The following RAB6B variants were observed in gnomAD, a reference collection of about 807,000 sequenced individuals.
RAB6B encodes the protein RAB6B, member RAS oncogene family.
In RAB6B, 7 loss-of-function variants were observed where a neutral mutation model predicts 31.2. The observed-to-expected ratio is 0.22, with a 90% CI of 0.13 to 0.42. The LOEUF (loss-of-function observed/expected upper bound fraction) is 0.42. Among genes scored for constraint, RAB6B ranks in the 10% least tolerant of loss-of-function variants. The pLI, the probability that RAB6B is intolerant of heterozygous loss-of-function variation, is 1.00. For synonymous variants in RAB6B, 105 were observed against 104.9 expected (o/e 1.00, Z -0.01); for missense variants, 149 against 280.6 (o/e 0.53, Z 3.35).
rs969399067 is a variant in RAB6B at position 133,883,051 on chromosome 3, T to C, written c.70+12346A>G. 3.9e-5 allele frequency among the ~76,000 whole-genome samples: 6 copies of C among 152,174 alleles called. No homozygotes were observed. The East Asian group carries it at 9.6e-4, about 24-fold the overall frequency. On this transcript the variant is annotated intron_variant, in intron 1 of 7. Coordinates refer to ENST00000285208, the MANE Select transcript of RAB6B (RefSeq NM_016577.4). Reference sequence around the variant, plus strand: ...TGGTTTCTCCCCCAAAAGAAACCCTTTGGAGGTTTGCTCTGTTCACAGAAG... The same window carrying C: ...TGGTTTCTCCCCCAAAAGAAACCCTCTGGAGGTTTGCTCTGTTCACAGAAG...
At chr3:133,835,158 C>T (rs1264970764) in intron 6 of RAB6B, among the ~76,000 whole-genome samples, 1 of 152,110 alleles carries the variant, frequency 6.6e-6, no homozygotes, top group African/African-American at 2.4e-5. Flanking sequence ...TCTCTGAGAG[C>T]GCGAGGGATG....
In RAB6B at chr3:133,826,321, G is replaced by C. The variant is rs1195944514; in HGVS notation, c.*2467C>G. On this transcript the variant is annotated 3_prime_UTR_variant, in exon 8 of 8. Transcript: ENST00000285208. ...TTTACTGCTCCTCTAGGCCAGGATGGAAACACAGTCCACGGTGCCTTGGAT... is the reference window on the plus strand; with the variant it reads ...TTTACTGCTCCTCTAGGCCAGGATGCAAACACAGTCCACGGTGCCTTGGAT... 3 of 152,260 alleles carry C rather than the reference G, an allele frequency of 2.0e-5. No homozygotes were observed. Among genetic ancestry groups the C allele is most frequent in the Non-Finnish European group, 4.4e-5 (3 of 68,070 alleles). 9.4% of individuals were successfully genotyped at this position (152,260 alleles called of 1,614,324 possible).
intron 1 of RAB6B, among the ~76,000 whole-genome samples, chr3:133,883,306 A>T (rs1408567136): frequency 6.6e-6 from 1 of 152,072 alleles, no homozygotes; most frequent in Non-Finnish European, 1.5e-5. Context: ...CTCTCTTCTC[A>T]TTTCCCCTGC....
intron 1 of RAB6B, among the ~76,000 whole-genome samples, chr3:133,883,536 G>A (rs139290923): frequency 6.6e-6 from 1 of 152,294 alleles, no homozygotes; most frequent in African/African-American, 2.4e-5. Flanking sequence ...TGTCTGGTAG[G>A]AAGCAGTGTC....
intron 1 of RAB6B, among the ~76,000 whole-genome samples, chr3:133,893,259 G>A (rs116485796): frequency 0.029 from 4,440 of 152,312 alleles, 84 homozygotes; most frequent in Non-Finnish European, 0.039. Flanking sequence ...ACTTCACAAT[G>A]ACACGCTAGT....
intron 2 of RAB6B, among the ~76,000 whole-genome samples, chr3:133,851,630 T>G (rs1287725221): frequency 6.6e-6 from 1 of 152,024 alleles, no homozygotes; most frequent in African/African-American, 2.4e-5. Flanking sequence ...GTGTGAAAGA[T>G]GTAGAGAGGC....
chr3:133,868,710 C>T (rs992244912), intron 1 of RAB6B, among the ~76,000 whole-genome samples: 2 of 152,176 alleles, frequency 1.3e-5, no homozygotes, highest in African/African-American at 2.4e-5. Context: ...CAAGGAGATG[C>T]ATTTCTCCTT....
intron 2 of RAB6B, among the ~76,000 whole-genome samples, chr3:133,854,164 G>C (rs890186675): frequency 2.0e-5 from 3 of 152,164 alleles, no homozygotes; most frequent in Admixed American, 6.5e-5. Flanking sequence ...GAACCTTTGT[G>C]GTTGCAATCC....
intron 2 of RAB6B, among the ~76,000 whole-genome samples, chr3:133,849,737 C>T (rs1935952061): frequency 1.3e-5 from 2 of 152,188 alleles, no homozygotes; most frequent in Non-Finnish European, 2.9e-5. Flanking sequence ...CTGGGGGTCA[C>T]AAACTATCTG....
chr3:133,877,822 A>T (rs917088042), intron 1 of RAB6B, among the ~76,000 whole-genome samples: 1 of 149,210 alleles, frequency 6.7e-6, no homozygotes, highest in Non-Finnish European at 1.5e-5. Flanking sequence ...ATATGTTAGT[A>T]TAATAACATA....
intron 1 of RAB6B, among the ~76,000 whole-genome samples, chr3:133,892,450 G>A (rs1469821651): frequency 2.0e-5 from 3 of 152,096 alleles, no homozygotes; most frequent in African/African-American, 7.2e-5. Flanking sequence ...ATTCAAACCA[G>A]TTCCCTGGTA....
At chr3:133,871,231 G>A (rs1936319132) in intron 1 of RAB6B, among the ~76,000 whole-genome samples, 1 of 152,252 alleles carries the variant, frequency 6.6e-6, no homozygotes, top group African/African-American at 2.4e-5. Context: ...CAGTGGTGAA[G>A]TGAGACCCAG....
At chr3:133,856,241 A>G (rs184660320) in intron 2 of RAB6B, among the ~76,000 whole-genome samples, 28 of 152,250 alleles carry the variant, frequency 1.8e-4, no homozygotes, top group Non-Finnish European at 3.2e-4. Context: ...AAAGAAGTGG[A>G]CGGGAGGACA....
intron 4 of RAB6B, among the ~76,000 whole-genome samples, chr3:133,840,353 AGG>A (rs1385169157): frequency 5.9e-5 from 9 of 152,104 alleles, no homozygotes; most frequent in African/African-American, 2.2e-4. Context: ...ACCCAAGGGG[AGG>A]GGAGGTAGCT....
chr3:133,856,513 C>A (rs979243538), intron 2 of RAB6B, among the ~76,000 whole-genome samples: 2 of 152,114 alleles, frequency 1.3e-5, no homozygotes, highest in Non-Finnish European at 2.9e-5. Context: ...AGAATTGAGT[C>A]ATATCATTAC....
intron 2 of RAB6B, among the ~76,000 whole-genome samples, chr3:133,853,928 G>C (rs1936037851): frequency 6.6e-6 from 1 of 152,216 alleles, no homozygotes; most frequent in African/African-American, 2.4e-5. Context: ...AGACTCTCCA[G>C]CAATGTTTCT....
chr3:133,834,585 G>A lies in RAB6B; in HGVS notation c.552C>T (p.Ser184=), dbSNP rs370550098. ...LPGMENVQEK[S]KEGMIDIKLD... is the part of the protein sequence containing the mutation. ...AAAGGAAAAGGATACTCCCTTCTTT[G>A]CTTTTCTCCTGGACATTCTCCATTC... Residue 184 remains serine (S), a synonymous_variant, in exon 7 of 8, where the codon AGC becomes AGT. Transcript: ENST00000285208. 6.8e-6 allele frequency: 11 copies of A among 1,613,066 alleles called. No homozygotes were observed. The highest frequency in any genetic ancestry group is 9.3e-6 in the Non-Finnish European group (11 of 1,179,160).
chr3:133,866,383 T>C (rs1323116187), intron 1 of RAB6B, among the ~76,000 whole-genome samples: 1 of 152,040 alleles, frequency 6.6e-6, no homozygotes, highest in Non-Finnish European at 1.5e-5. Context: ...CCTTGATAGG[T>C]CATGCTGGGT....
At chr3:133,863,715 A>G (rs1936195106) in intron 2 of RAB6B, among the ~76,000 whole-genome samples, 1 of 152,086 alleles carries the variant, frequency 6.6e-6, no homozygotes, top group Admixed American at 6.5e-5. Context: ...TTCAAGTAAC[A>G]CCTACCAACA....
Sources: gnomAD v4.1 joint callset for allele counts (sites outside exome capture counted in the v4.1 genomes callset) on GRCh38, gnomAD v4.1.1 for gene constraint, MANE v1.5 for transcripts, NCBI Gene and HGNC (gene_info 2026-07-23, HGNC 2026-07-21) for gene names.